BDNF: variants seen among roughly 807,000 people sequenced by gnomAD.
BDNF encodes the protein brain derived neurotrophic factor.
A neutral mutation model predicts 19.5 loss-of-function variants in BDNF; 1 was observed. That is an observed-to-expected ratio of 0.05 (90% CI 0.02 to 0.24). The LOEUF (loss-of-function observed/expected upper bound fraction) is 0.24, where lower values mean the gene tolerates loss of function less well. Ranked by LOEUF, BDNF falls within the 10% of genes least tolerant of loss-of-function variation. The pLI, the probability that BDNF is intolerant of heterozygous loss-of-function variation, is 1.00. For synonymous variants in BDNF, 100 were observed against 121.6 expected (o/e 0.82, Z 1.17); for missense variants, 195 against 317.6 (o/e 0.61, Z 2.93).
intron 1 of BDNF, among the ~76,000 whole-genome samples, chr11:27,698,464 G>GCA (rs1859448369): frequency 6.6e-6 from 1 of 152,012 alleles, no homozygotes. Flanking sequence ...AGCATTGAAG[G>GCA]CACACACGTT....
At chr11:27,685,067 C>T (rs1022027283) in intron 1 of BDNF, among the ~76,000 whole-genome samples, 10 of 152,096 alleles carry the variant, frequency 6.6e-5, no homozygotes, top group Admixed American at 1.3e-4. Flanking sequence ...ATTACTGCCT[C>T]GATTTCAGAA....
chr11:27,656,567 CG>C lies in BDNF; in HGVS notation c.*1253del, dbSNP rs780391012. On this transcript the variant is annotated 3_prime_UTR_variant, in exon 2 of 2. Transcript: ENST00000356660. ...CACTCAGAAATTCCTCCCGCACTGC[CG>C]GTAAATGCAATGCCAACTCCACATA... 2 of 985,772 alleles carry C rather than the reference CG, an allele frequency of 2.0e-6. No individual in the cohort carries two copies. Among genetic ancestry groups the C allele is most frequent in the East Asian group, 1.1e-4 (1 of 8,776 alleles). The allele number at this position is 985,772 out of a possible 1,614,324, so 61.1% of individuals were successfully genotyped here.
chr11:27,694,401 T>A (rs911335773), intron 1 of BDNF, among the ~76,000 whole-genome samples: 2 of 152,210 alleles, frequency 1.3e-5, no homozygotes, highest in African/African-American at 4.8e-5. Context: ...TCTGTCTACA[T>A]CACTAGTGAT....
intron 1 of BDNF, chr11:27,697,701 A>T (rs772934755): frequency 3.3e-5 from 5 of 152,166 alleles, no homozygotes; most frequent in South Asian, 2.1e-4. Context: ...TAAATGCTTC[A>T]TTTTCTGGAT....
chr11:27,674,672 GCGGTA>G, intron 1 of BDNF: 2 of 985,342 alleles, frequency 2.0e-6, no homozygotes, highest in Non-Finnish European at 2.4e-6. Context: ...ATTCAATTTG[GCGGTA>G]CTGTGAACAA....
chr11:27,710,531 C>T (rs1860282038), intron 1 of BDNF, among the ~76,000 whole-genome samples: 1 of 152,196 alleles, frequency 6.6e-6, no homozygotes, highest in South Asian at 2.1e-4. Flanking sequence ...GGAGTGGATC[C>T]TTTGGAGGAA....
At chr11:27,706,149 C>G (rs923901060) in intron 1 of BDNF, among the ~76,000 whole-genome samples, 106 of 152,044 alleles carry the variant, frequency 7.0e-4, no homozygotes, top group Non-Finnish European at 8.8e-5. Flanking sequence ...TAATCAGTCC[C>G]CAGTTATTTC....
intron 1 of BDNF, among the ~76,000 whole-genome samples, chr11:27,698,535 G>C (rs1859460563): frequency 6.6e-6 from 1 of 152,074 alleles, no homozygotes; most frequent in South Asian, 2.1e-4. Context: ...ATATCAAATT[G>C]TAAGACCAAA....
intron 1 of BDNF, among the ~76,000 whole-genome samples, chr11:27,663,002 C>G (rs1285753655): frequency 6.6e-6 from 1 of 152,192 alleles, no homozygotes; most frequent in African/African-American, 2.4e-5. Context: ...CTGTGTAGCT[C>G]TATTTCTAAC....
chr11:27,682,239 A>AC (rs1261289569), intron 1 of BDNF, among the ~76,000 whole-genome samples: 7 of 151,980 alleles, frequency 4.6e-5, no homozygotes, highest in African/African-American at 1.5e-4. Flanking sequence ...AAGTTTCTAA[A>AC]CCCAACATAG....
At chr11:27,718,360 C>CG (rs1554950419) in intron 1 of BDNF, among the ~76,000 whole-genome samples, 1 of 144,110 alleles carries the variant, frequency 6.9e-6, no homozygotes, top group Non-Finnish European at 1.5e-5. Flanking sequence ...CACCACCCCC[C>CG]CCCGCCCCTC....
At chr11:27,699,430 A>T in intron 1 of BDNF, 1 of 1,614,080 alleles carries the variant, frequency 6.2e-7, no homozygotes, top group African/African-American at 1.3e-5. Flanking sequence ...CCGAGTCAAG[A>T]ATCCCCCACG....
In BDNF at chr11:27,658,233, T is replaced by G; in HGVS notation, c.332A>C (p.Glu111Ala). The G allele has an allele frequency of 6.2e-7, 1 of 1,613,912 alleles. No homozygotes were observed. The highest frequency in any genetic ancestry group is 8.5e-7 in the Non-Finnish European group (1 of 1,180,008). Residue 111 changes from glutamate (E) to alanine (A), a missense_variant, in exon 2 of 2, where the codon GAG (glutamate) becomes GCG (alanine). Coordinates refer to ENST00000356660, the MANE Select transcript of BDNF (RefSeq NM_001709.5). The surrounding 1 kb of genome is among the most constrained non-coding windows in gnomAD (Gnocchi z 5.7). ...PLEPPLLFLL[E>A]EYKNYLDAAN... Reference sequence around the variant, plus strand: ...AGCATCTAGGTAATTTTTGTATTCCTCCAGCAGAAAGAGAAGAGGAGGCTC... The same window carrying G: ...AGCATCTAGGTAATTTTTGTATTCCGCCAGCAGAAAGAGAAGAGGAGGCTC...
At chr11:27,666,078 G>C (rs1359018920) in intron 1 of BDNF, among the ~76,000 whole-genome samples, 4 of 152,184 alleles carry the variant, frequency 2.6e-5, no homozygotes, top group Non-Finnish European at 5.9e-5. Flanking sequence ...GCTTCCAGAG[G>C]AACAATCAGG....
chr11:27,657,807 A>G lies in BDNF; in HGVS notation c.*14T>C, dbSNP rs771145439. 2.5e-6 allele frequency: 4 copies of G among 1,611,530 alleles called. No homozygotes were observed. Among genetic ancestry groups the G allele is most frequent in the Non-Finnish European group, 3.4e-6 (4 of 1,177,704 alleles). Reference sequence around the variant, plus strand: ...TTTGTCTCAATATAATCTAATCTATACAACATAAATCCACTATCTTCCCCT... The same window carrying G: ...TTTGTCTCAATATAATCTAATCTATGCAACATAAATCCACTATCTTCCCCT... On this transcript the variant is annotated 3_prime_UTR_variant, in exon 2 of 2. Coordinates refer to ENST00000356660, the MANE Select transcript of BDNF (RefSeq NM_001709.5). This position sits in a 1 kb window ranked among gnomAD's most constrained non-coding sequence, Gnocchi z 5.0.
At chr11:27,711,344 T>C (rs1156289077) in intron 1 of BDNF, among the ~76,000 whole-genome samples, 1 of 152,228 alleles carries the variant, frequency 6.6e-6, no homozygotes, top group Admixed American at 6.5e-5. Context: ...ACTGTTTCCA[T>C]TTTATGATTA....
chr11:27,680,038 A>G lies in BDNF; in HGVS notation c.-22+20126T>C, dbSNP rs1278079764. Among the ~76,000 whole-genome samples, 4 of 152,234 alleles carry G rather than the reference A, an allele frequency of 2.6e-5. No individual in the cohort carries two copies. The East Asian group carries it at 5.8e-4, about 22-fold the overall frequency. The stretch of plus-strand genomic sequence containing the variant: ...AGGAGAGCCTTTCTTTTGGATGTCA[A>G]CTTGTCAAACTTGCAGTTTAGATGA... On this transcript the variant is annotated intron_variant, in intron 1 of 1. Transcript: ENST00000356660.
chr11:27,673,248 CA>C (rs376465673), intron 1 of BDNF, among the ~76,000 whole-genome samples: 1,439 of 66,190 alleles, frequency 0.022, 7 homozygotes, highest in Non-Finnish European at 0.04. Context: ...ATGCTGTGTA[CA>C]AAAAAAAAAA....
At chr11:27,683,624 G>A (rs966340696) in intron 1 of BDNF, among the ~76,000 whole-genome samples, 1 of 152,146 alleles carries the variant, frequency 6.6e-6, no homozygotes, top group African/African-American at 2.4e-5. Context: ...TTCTGCAAAT[G>A]GCTAGCCAGT....
Sources: allele counts gnomAD v4.1 joint callset (sites outside exome capture counted in the v4.1 genomes callset), GRCh38; gene constraint gnomAD v4.1.1; non-coding constraint Gnocchi (gnomAD v3.1); transcripts MANE v1.5; gene names NCBI Gene and HGNC (gene_info 2026-07-23, HGNC 2026-07-21).